Variants in KIAA1549L observed in about 807,000 individuals in gnomAD.
The protein encoded by KIAA1549L is UPF0606 protein KIAA1549L.
A neutral mutation model predicts 160.7 loss-of-function variants in KIAA1549L; 88 were observed. The observed-to-expected ratio is 0.55, with a 90% CI of 0.46 to 0.65. KIAA1549L has a LOEUF of 0.65. KIAA1549L is among the 30% of genes least tolerant of loss of function. The pLI, the probability that KIAA1549L is intolerant of heterozygous loss-of-function variation, is 0.00. For synonymous variants in KIAA1549L, 950 were observed against 976.7 expected (o/e 0.97, Z 0.51); for missense variants, 2,258 against 2,437.5 (o/e 0.93, Z 1.55).
At chr11:33,665,176 C>T (rs1425564143) in intron 20 of KIAA1549L, 1 of 152,424 alleles carries the variant, frequency 6.6e-6, no homozygotes, top group African/African-American at 2.4e-5. Flanking sequence ...AGTTCTTGTC[C>T]TGGGTCCAGG....
rs1050655047 is a variant in KIAA1549L at position 33,418,068 on chromosome 11, C to T, written c.238+41179C>T. Among the ~76,000 whole-genome samples, 5 of 152,274 alleles carry T rather than the reference C, an allele frequency of 3.3e-5. No homozygotes were observed. The East Asian group carries it at 9.6e-4, about 29-fold the overall frequency. On this transcript the variant is annotated intron_variant, in intron 1 of 20. Transcript: ENST00000658780. The stretch of plus-strand genomic sequence containing the variant: ...TGCTGGGATTACAGGCGTGAGCCAC[C>T]ACACCTGGTTCCTATCCCTCTTTTT...
chr11:33,594,290 T>G (rs1412260096), intron 12 of KIAA1549L, among the ~76,000 whole-genome samples: 1 of 150,998 alleles, frequency 6.6e-6, no homozygotes, highest in African/African-American at 2.4e-5. Flanking sequence ...ACTCCAAAGC[T>G]TAATAACTTA....
At chr11:33,598,993 G>A (rs757567550) in intron 13 of KIAA1549L, 46 bp downstream of exon 13, 65 of 1,606,202 alleles carry the variant, frequency 4.0e-5, no homozygotes, top group African/African-American at 8.0e-5. Context: ...GCTCCCACGC[G>A]TGCCCGCACA....
chr11:33,518,108 C>T (rs1853392375), intron 1 of KIAA1549L, among the ~76,000 whole-genome samples: 1 of 125,012 alleles, frequency 8.0e-6, no homozygotes, highest in Non-Finnish European at 1.6e-5. Flanking sequence ...CATTGCACTC[C>T]AGCCTGAGCA....
chr11:33,578,350 AC>A (rs1855524490), intron 10 of KIAA1549L, among the ~76,000 whole-genome samples: 2 of 151,886 alleles, frequency 1.3e-5, no homozygotes, highest in South Asian at 4.1e-4. Context: ...CCACCCTCTG[AC>A]CCTTCCAGCC....
intron 1 of KIAA1549L, among the ~76,000 whole-genome samples, chr11:33,456,366 C>T (rs1046785669): frequency 6.6e-6 from 1 of 152,048 alleles, no homozygotes; most frequent in Admixed American, 6.5e-5. Flanking sequence ...ATTGAACAAG[C>T]TGGACTTGGT....
chr11:33,569,485 C>G (rs759694118), intron 9 of KIAA1549L, among the ~76,000 whole-genome samples: 1 of 152,108 alleles, frequency 6.6e-6, no homozygotes, highest in Non-Finnish European at 1.5e-5. Flanking sequence ...AGCACACATG[C>G]ATAGTATCAC....
chr11:33,523,099 A>G (rs546119160), intron 1 of KIAA1549L, among the ~76,000 whole-genome samples: 2 of 152,328 alleles, frequency 1.3e-5, no homozygotes, highest in South Asian at 2.1e-4. Context: ...TTCTGATTCT[A>G]CAATGGATTC....
At chr11:33,642,336 C>T (rs189030416) in intron 16 of KIAA1549L, among the ~76,000 whole-genome samples, 4 of 152,246 alleles carry the variant, frequency 2.6e-5, no homozygotes, top group Admixed American at 1.3e-4. Context: ...AATAAAGTTA[C>T]GGTGCTGCAA....
intron 8 of KIAA1549L, among the ~76,000 whole-genome samples, chr11:33,564,047 G>A (rs886077199): frequency 2.6e-5 from 4 of 151,974 alleles, no homozygotes; most frequent in Non-Finnish European, 5.9e-5. Context: ...ACCCTTATTT[G>A]TTATTGCTGT....
chr11:33,630,022 G>C (rs943768658), intron 16 of KIAA1549L, among the ~76,000 whole-genome samples: 4 of 152,062 alleles, frequency 2.6e-5, no homozygotes, highest in African/African-American at 9.7e-5. Context: ...ACGCTCAGCT[G>C]CAGGTCTGTT....
chr11:33,485,564 A>T (rs76621928), intron 1 of KIAA1549L, among the ~76,000 whole-genome samples: 6,962 of 152,244 alleles, frequency 0.046, 310 homozygotes, highest in South Asian at 0.11. Context: ...CAATATGATG[A>T]TTATGTATAC....
At chr11:33,485,206 G>GGA (rs1852495539) in intron 1 of KIAA1549L, among the ~76,000 whole-genome samples, 1 of 152,184 alleles carries the variant, frequency 6.6e-6, no homozygotes, top group African/African-American at 2.4e-5. Context: ...ACCAAGGGGA[G>GGA]GAAGCATCTT....
At chr11:33,576,478 T>A (rs905638614) in intron 10 of KIAA1549L, among the ~76,000 whole-genome samples, 2 of 152,238 alleles carry the variant, frequency 1.3e-5, no homozygotes, top group Non-Finnish European at 2.9e-5. Context: ...GCTTGCTTCA[T>A]CTGTTTTGCC....
intron 1 of KIAA1549L, among the ~76,000 whole-genome samples, chr11:33,472,420 CCTCTTCCTTTTAAGGA>C (rs1852200342): frequency 6.6e-6 from 1 of 152,004 alleles, no homozygotes; most frequent in African/African-American, 2.4e-5. Context: ...TGAGTCTGGC[CCTCTTCCTTTTAAGGA>C]CACTTCCTGG....
At chr11:33,437,205 ACT>A (rs1486761478) in intron 1 of KIAA1549L, among the ~76,000 whole-genome samples, 1 of 152,148 alleles carries the variant, frequency 6.6e-6, no homozygotes, top group African/African-American at 2.4e-5. Flanking sequence ...TTTTTAGAGT[ACT>A]CTCATATGTA....
intron 18 of KIAA1549L, among the ~76,000 whole-genome samples, chr11:33,657,714 T>C (rs1852115316): frequency 1.3e-5 from 2 of 152,152 alleles, no homozygotes; most frequent in Admixed American, 6.5e-5. Flanking sequence ...GGAGAATCGC[T>C]TGAACCCAGG....
intron 1 of KIAA1549L, among the ~76,000 whole-genome samples, chr11:33,455,858 A>G (rs889939102): frequency 6.6e-6 from 1 of 152,224 alleles, no homozygotes; most frequent in African/African-American, 2.4e-5. Context: ...AAAAATTTCA[A>G]CCAGGTTTTC....
In KIAA1549L at chr11:33,668,785, A is replaced by G. The variant is rs1852573675; in HGVS notation, c.*631A>G. ...GATTCTTTGTTTCCCTCGTCAATTA[A>G]ACAAAGGCCAAGAAAGAGAGAAGAT... On this transcript the variant is annotated 3_prime_UTR_variant, in exon 21 of 21. Transcript: ENST00000658780. 6.6e-6 allele frequency: 1 copy of G among 152,218 alleles called. No individual in the cohort carries two copies. The highest frequency in any genetic ancestry group is 1.5e-5 in the Non-Finnish European group (1 of 68,054). 9.4% of individuals were successfully genotyped at this position (152,218 alleles called of 1,614,324 possible). A position where few individuals can be genotyped will look rare whatever the true frequency, so the allele number is the denominator to read the frequency against.
Sources: gnomAD v4.1 joint callset for allele counts (sites outside exome capture counted in the v4.1 genomes callset) on GRCh38, gnomAD v4.1.1 for gene constraint, MANE v1.5 for transcripts, NCBI Gene and HGNC (gene_info 2026-07-23, HGNC 2026-07-21) for gene names.